Variants in RGS6 observed in about 807,000 individuals in gnomAD.
The protein encoded by RGS6 is regulator of G protein signaling 6.
RGS6 carries 30 observed loss-of-function variants against 78.5 expected under a neutral mutation model. The ratio of observed to expected loss-of-function variants is 0.38; its 90% CI spans 0.29 to 0.52. The LOEUF (loss-of-function observed/expected upper bound fraction) is 0.52. Among genes scored for constraint, RGS6 ranks in the 20% least tolerant of loss-of-function variants. RGS6 has a pLI of 0.85. For missense variants in RGS6, 495 were observed against 609.7 expected (o/e 0.81, Z 1.98); for synonymous variants, 206 against 206.0 (o/e 1.00, Z 0.00).
intron 2 of RGS6, among the ~76,000 whole-genome samples, chr14:72,104,413 T>C (rs1232160326): frequency 2.0e-5 from 3 of 152,248 alleles, no homozygotes; most frequent in Non-Finnish European, 4.4e-5. Flanking sequence ...TGTACAAACA[T>C]AAAGCTATGT....
chr14:72,047,130 C>T (rs2092910597), intron 2 of RGS6, among the ~76,000 whole-genome samples: 1 of 152,166 alleles, frequency 6.6e-6, no homozygotes, highest in Non-Finnish European at 1.5e-5. Context: ...CGACATAATG[C>T]ACACTGAGCA....
At chr14:71,990,477 A>G (rs1038825424) in intron 2 of RGS6, 6 of 387,156 alleles carry the variant, frequency 1.5e-5, no homozygotes, top group South Asian at 1.2e-4. Flanking sequence ...GGAATATGTT[A>G]TTAACCAGGA....
intron 2 of RGS6, among the ~76,000 whole-genome samples, chr14:72,252,925 T>G (rs2056174164): frequency 6.6e-6 from 1 of 152,202 alleles, no homozygotes; most frequent in Non-Finnish European, 1.5e-5. Flanking sequence ...CTCCCTCTGC[T>G]CCTCACACCT....
chr14:72,377,615 A>T (rs565350829), intron 3 of RGS6, among the ~76,000 whole-genome samples: 38 of 152,296 alleles, frequency 2.5e-4, no homozygotes, highest in Non-Finnish European at 4.9e-4. Flanking sequence ...TTTCATCAGC[A>T]CGTGGAACAT....
At chr14:72,160,234 A>C (rs1351553886) in intron 2 of RGS6, among the ~76,000 whole-genome samples, 1 of 152,250 alleles carries the variant, frequency 6.6e-6, no homozygotes, top group African/African-American at 2.4e-5. Flanking sequence ...AGGTGGGAGA[A>C]TAAAAATGAT....
intron 2 of RGS6, among the ~76,000 whole-genome samples, chr14:72,088,555 G>A (rs1000380839): frequency 1.3e-5 from 2 of 152,128 alleles, no homozygotes; most frequent in African/African-American, 2.4e-5. Flanking sequence ...ATCATCTCTT[G>A]TTCGGATAAC....
chr14:72,329,264 G>A (rs1231736262), intron 2 of RGS6, among the ~76,000 whole-genome samples: 1 of 152,250 alleles, frequency 6.6e-6, no homozygotes, highest in East Asian at 1.9e-4. Context: ...ATATGCACAT[G>A]CATGAACACA....
At chr14:71,886,381 T>G in the RGS6 span, among the ~76,000 whole-genome samples, 32 of 152,040 alleles carry the variant, frequency 2.1e-4, no homozygotes, top group Admixed American at 1.3e-4. Flanking sequence ...ACTGTGCACA[T>G]TGCACAGTAG....
At chr14:72,612,631 T>C in the RGS6 span, 2 of 518,426 alleles carry the variant, frequency 3.9e-6, no homozygotes, top group Non-Finnish European at 7.7e-6. Context: ...AGGGTCTCAG[T>C]GGGGAGTAGA....
At chr14:71,982,010 C>T (rs545428678) in intron 2 of RGS6, among the ~76,000 whole-genome samples, 54 of 152,102 alleles carry the variant, frequency 3.6e-4, no homozygotes, top group Non-Finnish European at 6.6e-4. Flanking sequence ...TTAAGCCCGT[C>T]GGAAAAGCGC....
intron 12 of RGS6, 29 bp from the exon 13 acceptor site, chr14:72,495,123 G>A: frequency 2.4e-6 from 3 of 1,236,394 alleles, no homozygotes; most frequent in African/African-American, 1.5e-5. Context: ...GAAATCAGTG[G>A]CATTCTTTGC....
At chr14:72,519,634 T>C (rs759710677) in intron 15 of RGS6, among the ~76,000 whole-genome samples, 5 of 152,234 alleles carry the variant, frequency 3.3e-5, no homozygotes, top group Non-Finnish European at 7.3e-5. Context: ...CTCCATCAAA[T>C]GCCTGTGCCA....
At chr14:72,365,375 A>AT (rs2082267957) in intron 3 of RGS6, among the ~76,000 whole-genome samples, 6 of 152,246 alleles carry the variant, frequency 3.9e-5, no homozygotes, top group Admixed American at 3.9e-4. Context: ...CACAGGTGAC[A>AT]TAGAAGGGAA....
intron 2 of RGS6, among the ~76,000 whole-genome samples, chr14:72,015,156 G>C (rs1476959462): frequency 2.0e-5 from 3 of 152,196 alleles, no homozygotes; most frequent in African/African-American, 7.2e-5. Flanking sequence ...AGGGCTCCCA[G>C]CTGCTTCCAC....
chr14:72,466,177 G>A (rs1353520348), intron 7 of RGS6, among the ~76,000 whole-genome samples: 1 of 152,108 alleles, frequency 6.6e-6, no homozygotes, highest in African/African-American at 2.4e-5. Flanking sequence ...TTAAATCCGT[G>A]GTGAGATACT....
At chr14:71,966,463 A>G (rs2153056707) in intron 2 of RGS6, among the ~76,000 whole-genome samples, 1 of 152,374 alleles carries the variant, frequency 6.6e-6, no homozygotes, top group African/African-American at 2.4e-5. Flanking sequence ...AATAATAGAC[A>G]TTGAGTCATT....
intron 17 of RGS6, among the ~76,000 whole-genome samples, chr14:72,550,125 T>C (rs1052314628): frequency 9.7e-6 from 1 of 103,486 alleles, no homozygotes; most frequent in Non-Finnish European, 1.8e-5. Context: ...CTTGTGACTT[T>C]TTTCCTCTCC....
chr14:72,177,761 C>T (rs1035800468), intron 2 of RGS6, among the ~76,000 whole-genome samples: 1 of 152,106 alleles, frequency 6.6e-6, no homozygotes, highest in African/African-American at 2.4e-5. Flanking sequence ...ATAATTGCAT[C>T]AATAATGGCT....
At chr14:72,252,409 G>A (rs906207255) in intron 2 of RGS6, among the ~76,000 whole-genome samples, 1 of 152,170 alleles carries the variant, frequency 6.6e-6, no homozygotes, top group African/African-American at 2.4e-5. Context: ...GAGACATACA[G>A]ATTAACAGAT....
Sources: gnomAD v4.1 joint callset for allele counts (sites outside exome capture counted in the v4.1 genomes callset) on GRCh38, gnomAD v4.1.1 for gene constraint, MANE v1.5 for transcripts, NCBI Gene and HGNC (gene_info 2026-07-23, HGNC 2026-07-21) for gene names.